FAM117B: variants seen among roughly 807,000 people sequenced by gnomAD.
FAM117B encodes protein FAM117B.
In FAM117B, 22 loss-of-function variants were observed where a neutral mutation model predicts 52.8. The ratio of observed to expected loss-of-function variants is 0.42; its 90% CI spans 0.30 to 0.59. The LOEUF is 0.59. FAM117B is among the 20% of genes least tolerant of loss of function. The pLI, the probability that FAM117B is intolerant of heterozygous loss-of-function variation, is 0.22. For missense variants in FAM117B, 678 were observed against 802.6 expected (o/e 0.84, Z 1.88); for synonymous variants, 309 against 324.1 (o/e 0.95, Z 0.50).
intron 1 of FAM117B, among the ~76,000 whole-genome samples, chr2:202,695,401 A>G (rs1690695759): frequency 6.6e-6 from 1 of 152,128 alleles, no homozygotes; most frequent in African/African-American, 2.4e-5. Context: ...GCTATCTCGC[A>G]TCCCCCACCA....
chr2:202,759,173 ACAATT>A (rs1392998376), intron 6 of FAM117B, 55 bp from the exon 7 acceptor site: 28 of 1,586,792 alleles, frequency 1.8e-5, no homozygotes, highest in Non-Finnish European at 2.3e-5. Flanking sequence ...TAGTCCAAGA[ACAATT>A]AAATATAGTA....
At chr2:202,677,607 G>T (rs189720595) in intron 1 of FAM117B, among the ~76,000 whole-genome samples, 59 of 152,292 alleles carry the variant, frequency 3.9e-4, no homozygotes, top group African/African-American at 1.3e-3. Context: ...AAAGAGATTT[G>T]CACTCAAGCC....
intron 2 of FAM117B, among the ~76,000 whole-genome samples, chr2:202,705,755 A>G (rs1184566719): frequency 1.3e-5 from 2 of 152,132 alleles, no homozygotes; most frequent in African/African-American, 4.8e-5. Context: ...TTAGCTACCT[A>G]TGTGGCAAAT....
chr2:202,682,172 T>C (rs964800850), intron 1 of FAM117B, among the ~76,000 whole-genome samples: 5 of 152,170 alleles, frequency 3.3e-5, no homozygotes, highest in African/African-American at 1.2e-4. Flanking sequence ...CTCCCGCATT[T>C]ATCATTTCCT....
intron 1 of FAM117B, among the ~76,000 whole-genome samples, chr2:202,685,771 A>G (rs577599893): frequency 2.0e-5 from 3 of 152,326 alleles, no homozygotes; most frequent in South Asian, 2.1e-4. Context: ...AACTGTACAC[A>G]AAAGTGAACT....
intron 1 of FAM117B, among the ~76,000 whole-genome samples, chr2:202,681,224 C>T (rs1193616402): frequency 6.6e-6 from 1 of 151,608 alleles, no homozygotes; most frequent in East Asian, 1.9e-4. Context: ...CCAACCAAAC[C>T]AAGATTATGA....
rs1186829085 is a variant in FAM117B at position 202,766,098 on chromosome 2, A to ACC, written c.*335_*336insCC. On this transcript the variant is annotated 3_prime_UTR_variant, in exon 8 of 8. Coordinates refer to ENST00000392238, the MANE Select transcript of FAM117B (RefSeq NM_173511.4). Reference sequence around the variant, plus strand: ...CACACACACACACACACACACACACACACACACACCCCTGATCCTTGCCAA... The same window carrying ACC: ...CACACACACACACACACACACACACACCCACACACACCCCTGATCCTTGCCAA... The ACC allele has an allele frequency of 6.2e-5, 14 of 227,502 alleles. No homozygotes were observed. Among genetic ancestry groups the ACC allele is most frequent in the Non-Finnish European group, 1.1e-4 (13 of 116,766 alleles). 14.1% of individuals were successfully genotyped at this position (227,502 alleles called of 1,614,324 possible). A position where few individuals can be genotyped will look rare whatever the true frequency, so the allele number is the denominator to read the frequency against.
chr2:202,686,967 G>C (rs563229059), intron 1 of FAM117B, among the ~76,000 whole-genome samples: 1 of 152,272 alleles, frequency 6.6e-6, no homozygotes, highest in Middle Eastern at 3.4e-3. Flanking sequence ...AATGGAGTCT[G>C]AGAAGTCCCG....
At chr2:202,754,799 A>G (rs1274252563) in intron 4 of FAM117B, among the ~76,000 whole-genome samples, 1 of 147,332 alleles carries the variant, frequency 6.8e-6, no homozygotes, top group Non-Finnish European at 1.5e-5. Flanking sequence ...CTGAGGCAGA[A>G]GAGTCGCTTG....
At chr2:202,645,344 A>C (rs1421372669) in intron 1 of FAM117B, among the ~76,000 whole-genome samples, 2 of 150,716 alleles carry the variant, frequency 1.3e-5, no homozygotes, top group African/African-American at 2.4e-5. Flanking sequence ...GCTGGAGTGC[A>C]GTGGCGAGAT....
chr2:202,670,945 C>T (rs1183617604), intron 1 of FAM117B, among the ~76,000 whole-genome samples: 4 of 152,196 alleles, frequency 2.6e-5, no homozygotes, highest in African/African-American at 7.2e-5. Flanking sequence ...GTATTTAAAG[C>T]TGCAAATAAA....
chr2:202,740,746 C>T (rs1691520116), intron 4 of FAM117B, among the ~76,000 whole-genome samples: 1 of 151,990 alleles, frequency 6.6e-6, no homozygotes, highest in South Asian at 2.1e-4. Flanking sequence ...GGAAGTTGTA[C>T]ATGGAAGTCA....
chr2:202,751,089 G>A (rs894067809), intron 4 of FAM117B, among the ~76,000 whole-genome samples: 7 of 151,964 alleles, frequency 4.6e-5, no homozygotes, highest in African/African-American at 7.2e-5. Context: ...AAATATAAGG[G>A]CTAAACCCTT....
chr2:202,681,048 G>C (rs1289246346), intron 1 of FAM117B, among the ~76,000 whole-genome samples: 1 of 152,114 alleles, frequency 6.6e-6, no homozygotes, highest in Non-Finnish European at 1.5e-5. Flanking sequence ...GTAGCACAAA[G>C]ACAGGAAGCA....
At chr2:202,651,855 A>ACCAGCCTGACCACCATGGAGAAACC (rs1368898571) in intron 1 of FAM117B, among the ~76,000 whole-genome samples, 1 of 151,442 alleles carries the variant, frequency 6.6e-6, no homozygotes, top group Admixed American at 6.6e-5. Context: ...GGAGTTCGAG[A>ACCAGCCTGACCACCATGGAGAAACC]CCAGCCTGAC....
intron 4 of FAM117B, among the ~76,000 whole-genome samples, chr2:202,750,665 G>T (rs2105797406): frequency 6.6e-6 from 1 of 152,278 alleles, no homozygotes. Flanking sequence ...ATATGTTCTA[G>T]GCTCTGTGCT....
intron 1 of FAM117B, among the ~76,000 whole-genome samples, chr2:202,687,215 TTGTATG>T (rs1338588275): frequency 6.6e-6 from 1 of 152,214 alleles, no homozygotes; most frequent in African/African-American, 2.4e-5. Context: ...GTGATTACAT[TTGTATG>T]ACACCTTTTA....
chr2:202,701,582 T>C lies in FAM117B; in HGVS notation c.753+5550T>C, dbSNP rs549717594. On this transcript the variant is annotated intron_variant, in intron 2 of 7. Coordinates refer to ENST00000392238, the MANE Select transcript of FAM117B (RefSeq NM_173511.4). ...AAAGCTTTTGGAAAAGATTCACCAT[T>C]CTAGGTGCCATTAAGAACATTTGTG... Among the ~76,000 whole-genome samples the C allele has an allele frequency of 2.4e-3, 368 of 152,348 alleles. 2 individuals carry two copies. Among genetic ancestry groups the C allele is most frequent in the African/African-American group, 8.3e-3 (347 of 41,582 alleles).
chr2:202,681,314 A>T (rs950080456), intron 1 of FAM117B, among the ~76,000 whole-genome samples: 2 of 152,220 alleles, frequency 1.3e-5, no homozygotes, highest in Non-Finnish European at 2.9e-5. Flanking sequence ...GTATGACCAT[A>T]TAATATTAAA....
Sources: gnomAD v4.1 joint callset for allele counts (sites outside exome capture counted in the v4.1 genomes callset) on GRCh38, gnomAD v4.1.1 for gene constraint, MANE v1.5 for transcripts, NCBI Gene and HGNC (gene_info 2026-07-23, HGNC 2026-07-21) for gene names.